JAZF1: variants seen among roughly 807,000 people sequenced by gnomAD.
The protein encoded by JAZF1 is JAZF zinc finger 1, also known as juxtaposed with another zinc finger protein 1.
A neutral mutation model predicts 26.4 loss-of-function variants in JAZF1; 8 were observed. The observed-to-expected ratio is 0.30, with a 90% confidence interval of 0.18 to 0.55. The LOEUF (loss-of-function observed/expected upper bound fraction) is 0.55, where lower values mean the gene tolerates loss of function less well. JAZF1 is among the 20% of genes least tolerant of loss of function. The probability of loss-of-function intolerance (pLI) is 0.94; values close to 1 mark genes in which losing one functional copy is unlikely to be tolerated. For synonymous variants in JAZF1, 126 were observed against 122.3 expected (o/e 1.03, Z -0.20); for missense variants, 199 against 322.0 (o/e 0.62, Z 2.92).
intron 1 of JAZF1, among the ~76,000 whole-genome samples, chr7:27,996,295 C>A (rs1197254018): frequency 6.6e-6 from 1 of 152,184 alleles, no homozygotes; most frequent in Non-Finnish European, 1.5e-5. Flanking sequence ...GGGCAATGTG[C>A]TATTCGCAGG....
At chr7:27,991,122 T>G (rs1209994982) in intron 2 of JAZF1, among the ~76,000 whole-genome samples, 1 of 152,176 alleles carries the variant, frequency 6.6e-6, no homozygotes, top group African/African-American at 2.4e-5. Context: ...ACCTCAACTC[T>G]GGTACCAAGA....
intron 1 of JAZF1, among the ~76,000 whole-genome samples, chr7:28,128,212 C>T (rs1782730220): frequency 6.6e-6 from 1 of 152,120 alleles, no homozygotes; most frequent in African/African-American, 2.4e-5. Flanking sequence ...GCTGATGCAA[C>T]ACCTGAGAAC....
chr7:28,067,432 T>C (rs1405094335), intron 1 of JAZF1, among the ~76,000 whole-genome samples: 1 of 152,140 alleles, frequency 6.6e-6, no homozygotes, highest in Non-Finnish European at 1.5e-5. Flanking sequence ...CTTGGGGCTA[T>C]AATCCAGCAA....
chr7:27,983,646 T>G lies in JAZF1; in HGVS notation c.188+8263A>C, dbSNP rs371800427. On this transcript the variant is annotated intron_variant, in intron 2 of 4. Coordinates refer to ENST00000283928, the MANE Select transcript of JAZF1 (RefSeq NM_175061.4). ...GAAAAGCAACTCCAAGACACATGAT[T>G]GTCAGATTCACAAAAGTTGAAATAA... 1.9e-4 allele frequency among the ~76,000 whole-genome samples: 29 copies of G among 152,172 alleles called. No homozygotes were observed. The East Asian group carries it at 4.4e-3, about 23-fold the overall frequency.
intron 1 of JAZF1, among the ~76,000 whole-genome samples, chr7:28,117,500 T>C (rs1291637388): frequency 6.6e-6 from 1 of 152,230 alleles, no homozygotes; most frequent in Non-Finnish European, 1.5e-5. Flanking sequence ...CTGGTCATCA[T>C]ATAAAATTAA....
At chr7:27,898,306 C>T (rs868569423) in intron 2 of JAZF1, among the ~76,000 whole-genome samples, 8 of 14,150 alleles carry the variant, frequency 5.7e-4, no homozygotes, top group South Asian at 6.9e-3. Flanking sequence ...TATATATATA[C>T]ATCGGTTTTT....
intron 1 of JAZF1, among the ~76,000 whole-genome samples, chr7:28,078,538 G>T (rs1309569426): frequency 6.6e-6 from 1 of 152,194 alleles, no homozygotes; most frequent in Non-Finnish European, 1.5e-5. Context: ...ACTGAAGATT[G>T]TATTACTACC....
intron 1 of JAZF1, among the ~76,000 whole-genome samples, chr7:28,043,797 G>A (rs942216979): frequency 7.9e-5 from 12 of 151,444 alleles, no homozygotes; most frequent in Admixed American, 2.0e-4. Context: ...ATATTATTCA[G>A]CCATAAAAAA....
At chr7:27,861,274 C>A (rs1783374222) in intron 3 of JAZF1, among the ~76,000 whole-genome samples, 1 of 152,138 alleles carries the variant, frequency 6.6e-6, no homozygotes, top group Non-Finnish European at 1.5e-5. Context: ...CACCTGGAAA[C>A]TCACGCCCTT....
intron 2 of JAZF1, chr7:27,914,727 T>G: frequency 2.1e-6 from 1 of 471,126 alleles, no homozygotes; most frequent in Admixed American, 2.3e-5. Context: ...GGGCAACAGT[T>G]ACCTTTCATT....
intron 1 of JAZF1, among the ~76,000 whole-genome samples, chr7:28,004,645 T>A (rs1194982504): frequency 6.6e-6 from 1 of 151,846 alleles, no homozygotes; most frequent in Non-Finnish European, 1.5e-5. Flanking sequence ...CGACATCCAG[T>A]GAAATAATTT....
At chr7:27,944,822 A>G (rs1784901622) in intron 2 of JAZF1, among the ~76,000 whole-genome samples, 1 of 152,120 alleles carries the variant, frequency 6.6e-6, no homozygotes, top group African/African-American at 2.4e-5. Flanking sequence ...AGGGAGCTTC[A>G]TTTCTATTTT....
At chr7:28,158,710 G>T (rs1243224516) in intron 1 of JAZF1, among the ~76,000 whole-genome samples, 2 of 152,292 alleles carry the variant, frequency 1.3e-5, no homozygotes, top group African/African-American at 4.8e-5. Flanking sequence ...GGGAAAGCCA[G>T]TTTTTTTGCC....
intron 2 of JAZF1, among the ~76,000 whole-genome samples, chr7:27,983,989 C>CA (rs1437797814): frequency 1.3e-5 from 2 of 152,164 alleles, no homozygotes; most frequent in Non-Finnish European, 2.9e-5. Flanking sequence ...CCAGCCACTG[C>CA]AAAAACATGC....
intron 4 of JAZF1, among the ~76,000 whole-genome samples, chr7:27,835,661 G>A (rs1782792354): frequency 6.6e-6 from 1 of 152,168 alleles, no homozygotes; most frequent in Non-Finnish European, 1.5e-5. Context: ...GCAAATGTTA[G>A]TACAAGGTCA....
intron 1 of JAZF1, among the ~76,000 whole-genome samples, chr7:28,059,354 T>A (rs1045377107): frequency 2.0e-5 from 3 of 152,178 alleles, no homozygotes; most frequent in Admixed American, 2.0e-4. Context: ...GAATAATTTG[T>A]CCAGTTGTAT....
At position 28,138,593 on chromosome 7, in the gene JAZF1, GA is replaced by G. The variant is rs545936147; in HGVS notation, c.115+41869del. Among the ~76,000 whole-genome samples, 228 of 152,288 alleles carry G rather than the reference GA, an allele frequency of 1.5e-3. 6 individuals are homozygous for G. The highest frequency in any genetic ancestry group is 3.2e-4 in the Non-Finnish European group (22 of 68,016). ...TTAGACTAAAGACACTTTTCAAAGA[GA>G]AAAAGGAAATCTGATTTCTAAATCC... On this transcript the variant is annotated intron_variant, in intron 1 of 4. Coordinates refer to ENST00000283928, the MANE Select transcript of JAZF1 (RefSeq NM_175061.4).
At chr7:27,988,006 C>T (rs1785768958) in intron 2 of JAZF1, among the ~76,000 whole-genome samples, 2 of 152,106 alleles carry the variant, frequency 1.3e-5, no homozygotes, top group Non-Finnish European at 2.9e-5. Context: ...CGTTAAGAGT[C>T]ATCACCACTC....
chr7:28,029,369 G>A (rs2128374609), intron 1 of JAZF1, among the ~76,000 whole-genome samples: 1 of 152,296 alleles, frequency 6.6e-6, no homozygotes, highest in Middle Eastern at 3.4e-3. Context: ...CAAGATATCT[G>A]ACACATCACA....
Sources: gnomAD v4.1 joint callset for allele counts (sites outside exome capture counted in the v4.1 genomes callset) on GRCh38, gnomAD v4.1.1 for gene constraint, MANE v1.5 for transcripts, NCBI Gene and HGNC (gene_info 2026-07-23, HGNC 2026-07-21) for gene names.